The following MAMSTR variants were observed in gnomAD, a reference collection of about 807,000 sequenced individuals.
The protein encoded by MAMSTR is MEF2-activating motif and SAP domain-containing transcriptional regulator.
Under a neutral mutation model 42.7 loss-of-function variants are expected in MAMSTR, and 41 were observed. The ratio of observed to expected loss-of-function variants is 0.96; its 90% CI spans 0.75 to 1.25. The LOEUF (loss-of-function observed/expected upper bound fraction) is 1.25. Among genes scored for constraint, MAMSTR ranks in the 50% most tolerant of loss-of-function variants. The probability of loss-of-function intolerance (pLI) is 0.00; values close to 1 mark genes in which losing one functional copy is unlikely to be tolerated. For missense variants in MAMSTR, 567 were observed against 557.6 expected, an observed-to-expected ratio of 1.02 and a Z score of -0.17; for synonymous variants, 265 against 244.1, an observed-to-expected ratio of 1.09 and a Z score of -0.80.
At chr19:48,707,888 A>AAAGG (rs776827691), downstream of MAMSTR, among the ~76,000 whole-genome samples, 37 of 80,466 alleles carry the variant, frequency 4.6e-4, no homozygotes, top group African/African-American at 1.7e-3. Flanking sequence ...AGAAAGAAAG[A>AAAGG]AAAGAAAGAA....
At chr19:48,716,039 G>T in intron 3 of MAMSTR, 1 of 1,053,222 alleles carries the variant, frequency 9.5e-7, no homozygotes. Flanking sequence ...TAGGACAGGG[G>T]TGGGGCCTGC....
chr19:48,711,739 G>GTTTTT (rs34890088), downstream of MAMSTR, among the ~76,000 whole-genome samples: 435 of 76,178 alleles, frequency 5.7e-3, 4 homozygotes, highest in East Asian at 8.2e-3. Context: ...TACCTGGCTA[G>GTTTTT]TTTTTTTTTT....
At chr19:48,718,571 C>T (rs982867916) in intron 2 of MAMSTR, among the ~76,000 whole-genome samples, 1 of 151,870 alleles carries the variant, frequency 6.6e-6, no homozygotes, top group South Asian at 2.1e-4. Context: ...AGACTTTTTG[C>T]CTGCCCTGGG....
chr19:48,718,386 T>C (rs2122371135), intron 2 of MAMSTR, among the ~76,000 whole-genome samples: 1 of 141,982 alleles, frequency 7.0e-6, no homozygotes, highest in South Asian at 2.3e-4. Flanking sequence ...ACTTCTTTTT[T>C]TTTTTTTTTT....
downstream of MAMSTR, among the ~76,000 whole-genome samples, chr19:48,710,835 C>T (rs2122253150): frequency 6.6e-6 from 1 of 152,284 alleles, no homozygotes; most frequent in African/African-American, 2.4e-5. Flanking sequence ...GATCCACCCG[C>T]CTCGGCCTCC....
At chr19:48,718,266 T>A (rs2033119548) in intron 2 of MAMSTR, among the ~76,000 whole-genome samples, 1 of 152,224 alleles carries the variant, frequency 6.6e-6, no homozygotes, top group Admixed American at 6.5e-5. Context: ...CTCCTTGCTC[T>A]TTGATTGCTG....
At chr19:48,717,216 A>G (rs555534993) in intron 2 of MAMSTR, among the ~76,000 whole-genome samples, 9 of 151,908 alleles carry the variant, frequency 5.9e-5, no homozygotes, top group South Asian at 4.2e-4. Flanking sequence ...TTTTGCACAC[A>G]TGCCATTTTT....
Position 48,719,197 on chromosome 19 carries a change from T to G in MAMSTR, c.-21-145A>C. On this transcript the variant is annotated intron_variant, in intron 1 of 9. Coordinates refer to ENST00000318083, the MANE Select transcript of MAMSTR (RefSeq NM_001130915.2). This position sits in a 1 kb window ranked among gnomAD's most constrained non-coding sequence, Gnocchi z 4.4. ...GCAGCCTTGGGCCATAACTTCCGGA[T>G]CCCAGGGGCTGTAGAGGAGGGGGCT... 6.6e-6 allele frequency: 4 copies of G among 607,166 alleles called. No homozygotes were observed. The highest frequency in any genetic ancestry group is 8.8e-6 in the Non-Finnish European group (3 of 339,960). 37.6% of individuals were successfully genotyped at this position (607,166 alleles called of 1,614,324 possible).
intron 3 of MAMSTR, chr19:48,716,052 T>G (rs1362854738): frequency 1.1e-6 from 1 of 906,948 alleles, no homozygotes; most frequent in Non-Finnish European, 1.4e-6. Flanking sequence ...GGGCCTGCAC[T>G]CCTGGTTCTT....
chr19:48,716,373 T>C (rs1336203348), intron 3 of MAMSTR, among the ~76,000 whole-genome samples: 1 of 21,334 alleles, frequency 4.7e-5, no homozygotes, highest in African/African-American at 2.9e-4. Flanking sequence ...AGATTCCATC[T>C]CAAAAAAAAA....
At position 48,715,405 on chromosome 19, in the gene MAMSTR, G is replaced by A; in HGVS notation, c.282C>T (p.Pro94=). 6.6e-7 allele frequency: 1 copy of A among 1,515,336 alleles called. No individual in the cohort carries two copies. The highest frequency in any genetic ancestry group is 8.8e-7 in the Non-Finnish European group (1 of 1,138,030). The allele number at this position is 1,515,336 out of a possible 1,614,324, so 93.9% of individuals were successfully genotyped here. ...ACTGGTGGTATGTCAAGTTCCCCCT[G>A]GGCTTGGACTCCCTCCAACGTTGGG... ...KISQRWRESK[P]RGNLTYHQYM... Residue 94 remains proline (P), a synonymous_variant, in exon 5 of 10, where the codon CCC becomes CCT. Transcript: ENST00000318083.
downstream of MAMSTR, among the ~76,000 whole-genome samples, chr19:48,707,734 CAAG>C (rs1412967950): frequency 7.8e-6 from 1 of 127,800 alleles, no homozygotes; most frequent in Non-Finnish European, 1.6e-5. Flanking sequence ...GAGCGAAACT[CAAG>C]AGAGAGAGAG....
At position 48,715,718 on chromosome 19, in the gene MAMSTR, C is replaced by T. The variant is rs773676624; in HGVS notation, c.147G>A (p.Pro49=). Residue 49 remains proline, a synonymous_variant, in exon 4 of 10, where the codon CCG becomes CCA. Coordinates refer to ENST00000318083, the MANE Select transcript of MAMSTR (RefSeq NM_001130915.2). The part of the protein sequence containing the change: ...WISASDPPLA[P]ALPSGTAPFL... Reference sequence around the variant, plus strand: ...AAGGGGCCGTGCCCGAGGGCAAGGCCGGGGCCAGAGGAGGGTCTGAGGCTG... The same window carrying T: ...AAGGGGCCGTGCCCGAGGGCAAGGCTGGGGCCAGAGGAGGGTCTGAGGCTG... 9.7e-6 allele frequency: 15 copies of T among 1,540,880 alleles called. No individual in the cohort carries two copies. In the East Asian group the frequency reaches 2.0e-4, roughly 20 times the overall value.
downstream of MAMSTR, among the ~76,000 whole-genome samples, chr19:48,708,726 G>A (rs1476409782): frequency 2.6e-5 from 4 of 152,276 alleles, no homozygotes; most frequent in African/African-American, 4.8e-5. Flanking sequence ...GGCGAGATGC[G>A]GAAGGTGCAA....
downstream of MAMSTR, among the ~76,000 whole-genome samples, chr19:48,707,851 G>GAAAGAAAGAAAGAA (rs1568463983): frequency 1.1e-5 from 1 of 88,288 alleles, no homozygotes; most frequent in African/African-American, 5.0e-5. Context: ...AAGAAAGAAA[G>GAAAGAAAGAAAGAA]AAAGAAAGAA....
Position 48,713,753 on chromosome 19 carries a change from G to T in MAMSTR, c.927C>A (p.Gly309=). The change falls in exon 9 of 10, where the codon GGC becomes GGA. Residue 309 remains glycine, a synonymous_variant. Coordinates refer to ENST00000318083, the MANE Select transcript of MAMSTR (RefSeq NM_001130915.2). ...CCTGATCCTCCAGGATGTCATCGAT[G>T]CCCCGGTTAGGAAGCAACTGCGGAT... ...IRRAQLLPNR[G]IDDILEDQVE... 2 of 1,614,222 alleles carry T rather than the reference G, an allele frequency of 1.2e-6. No homozygotes were observed. The highest frequency in any genetic ancestry group is 1.7e-6 in the Non-Finnish European group (2 of 1,180,042).
intron 2 of MAMSTR, 192 bp from the exon 3 acceptor site, chr19:48,716,935 A>G: frequency 8.4e-7 from 1 of 1,195,356 alleles, no homozygotes; most frequent in South Asian, 4.2e-5. Flanking sequence ...CTGCCAGCGC[A>G]GCGCCGCGGG....
chr19:48,717,065 T>C (rs1281199602), intron 2 of MAMSTR: 10 of 914,196 alleles, frequency 1.1e-5, no homozygotes, highest in Non-Finnish European at 1.1e-5. Context: ...GCGCAATCGC[T>C]ATCTTGGCAG....
intron 3 of MAMSTR, among the ~76,000 whole-genome samples, chr19:48,716,096 C>G (rs1475844401): frequency 6.6e-6 from 1 of 152,084 alleles, no homozygotes; most frequent in Non-Finnish European, 1.5e-5. Flanking sequence ...TACATCCAGG[C>G]CGGCCGCGGT....
Sources: allele counts gnomAD v4.1 joint callset (sites outside exome capture counted in the v4.1 genomes callset), GRCh38; gene constraint gnomAD v4.1.1; non-coding constraint Gnocchi (gnomAD v3.1); transcripts MANE v1.5; gene names NCBI Gene and HGNC (gene_info 2026-07-23, HGNC 2026-07-21).